Variants in ARID1B observed in about 807,000 individuals in gnomAD.
ARID1B encodes AT-rich interactive domain-containing protein 1B.
ARID1B carries 30 observed loss-of-function variants against 212.3 expected under a neutral mutation model. The observed-to-expected ratio is 0.14, with a 90% CI of 0.11 to 0.19. The LOEUF (loss-of-function observed/expected upper bound fraction) is 0.19. Ranked by LOEUF, ARID1B falls within the 10% of genes least tolerant of loss-of-function variation. The pLI, the probability that ARID1B is intolerant of heterozygous loss-of-function variation, is 1.00. For synonymous variants in ARID1B, 1,402 were observed against 1,301.7 expected, an observed-to-expected ratio of 1.08 and a Z score of -1.66; for missense variants, 2,891 against 3,204.0, an observed-to-expected ratio of 0.90 and a Z score of 2.36.
At chr6:157,113,217 G>A (rs569606703) in intron 6 of ARID1B, among the ~76,000 whole-genome samples, 21 of 152,134 alleles carry the variant, frequency 1.4e-4, no homozygotes, top group African/African-American at 4.6e-4. Context: ...CACCGCACCC[G>A]GCCATGACCA....
chr6:157,103,905 G>A (rs566750032), intron 5 of ARID1B, among the ~76,000 whole-genome samples: 3 of 144,112 alleles, frequency 2.1e-5, no homozygotes, highest in Admixed American at 7.2e-5. Flanking sequence ...ATGTGATCTC[G>A]GCTCACTGCA....
intron 16 of ARID1B, among the ~76,000 whole-genome samples, chr6:157,197,908 T>C (rs946733132): frequency 6.6e-6 from 1 of 152,266 alleles, no homozygotes; most frequent in Non-Finnish European, 1.5e-5. Flanking sequence ...GATATCAAAG[T>C]AGTTATCAAA....
At chr6:156,805,874 G>A (rs1056392789) in intron 1 of ARID1B, among the ~76,000 whole-genome samples, 6 of 151,852 alleles carry the variant, frequency 4.0e-5, no homozygotes, top group Admixed American at 6.6e-5. Context: ...ATGGAGTCTC[G>A]CTGTGTTGCC....
rs769039505 is a variant in ARID1B at position 157,206,936 on chromosome 6, G to A, written c.6164G>A (p.Cys2055Tyr). 34 of 1,614,100 alleles carry A rather than the reference G, an allele frequency of 2.1e-5. No homozygotes were observed. The highest frequency in any genetic ancestry group is 1.3e-4 in the Admixed American group (8 of 60,006). The change falls in exon 20 of 20, where the codon TGT becomes TAT. Residue 2055 changes from cysteine to tyrosine, a missense_variant. Cys to Tyr is a radical substitution (Grantham distance 194). This residue lies in a region of ARID1B where 332 missense variants were observed against 369.2 expected (regional missense o/e 0.90). Coordinates refer to ENST00000636930, the MANE Select transcript of ARID1B (RefSeq NM_001374828.1). The surrounding 1 kb of genome is among the most constrained non-coding windows in gnomAD (Gnocchi z 6.8). ...EPRSRDETPL[C>Y]TIAHWQDSLA... ...AGGAGCCGAGACGAGACTCCTCTGT[G>A]TACCATCGCGCACTGGCAGGACTCG...
chr6:156,805,256 C>T (rs1367196700), intron 1 of ARID1B, among the ~76,000 whole-genome samples: 1 of 152,142 alleles, frequency 6.6e-6, no homozygotes, highest in Non-Finnish European at 1.5e-5. Flanking sequence ...AGACACTTTG[C>T]CTCCACCTGC....
intron 2 of ARID1B, among the ~76,000 whole-genome samples, chr6:156,884,800 A>T (rs1787378035): frequency 6.6e-6 from 1 of 152,232 alleles, no homozygotes; most frequent in African/African-American, 2.4e-5. Flanking sequence ...TGTAGGTTTT[A>T]AATGATTGTG....
chr6:156,840,653 A>C (rs993184772), intron 2 of ARID1B, among the ~76,000 whole-genome samples: 5 of 152,202 alleles, frequency 3.3e-5, no homozygotes, highest in African/African-American at 1.2e-4. Context: ...CCCGGTGCCC[A>C]GGTGCTCTGA....
chr6:156,814,938 C>T (rs552868287), intron 1 of ARID1B, among the ~76,000 whole-genome samples: 73 of 152,040 alleles, frequency 4.8e-4, no homozygotes, highest in African/African-American at 1.6e-3. Context: ...TAGGTGAAGA[C>T]CCATCAATTA....
At chr6:156,932,146 G>GGCC (rs1491564183) in intron 3 of ARID1B, among the ~76,000 whole-genome samples, 1 of 73,666 alleles carries the variant, frequency 1.4e-5, no homozygotes. Context: ...AAAAAAAAAA[G>GGCC]GGGGGGGGCG....
chr6:156,859,817 G>C (rs945583171), intron 2 of ARID1B, among the ~76,000 whole-genome samples: 1 of 152,234 alleles, frequency 6.6e-6, no homozygotes, highest in Non-Finnish European at 1.5e-5. Context: ...AGTTTGGAGA[G>C]GGCACAGAAA....
At chr6:156,947,218 T>C (rs780461893) in intron 4 of ARID1B, among the ~76,000 whole-genome samples, 1 of 152,234 alleles carries the variant, frequency 6.6e-6, no homozygotes, top group Non-Finnish European at 1.5e-5. Flanking sequence ...TCTATCCAAA[T>C]AGGTTCCTTT....
intron 4 of ARID1B, among the ~76,000 whole-genome samples, chr6:156,964,815 G>A (rs953522912): frequency 7.2e-5 from 11 of 152,108 alleles, no homozygotes; most frequent in Admixed American, 1.3e-4. Flanking sequence ...GAGATATTTG[G>A]GGGAGAATCA....
At chr6:157,178,014 C>T (rs905657332) in intron 11 of ARID1B, among the ~76,000 whole-genome samples, 3 of 152,142 alleles carry the variant, frequency 2.0e-5, no homozygotes, top group East Asian at 3.8e-4. Context: ...TCTTTAATTG[C>T]GCTCTGTTCA....
intron 1 of ARID1B, among the ~76,000 whole-genome samples, chr6:156,806,794 A>G (rs2127965589): frequency 6.6e-6 from 1 of 152,344 alleles, no homozygotes; most frequent in Admixed American, 6.5e-5. Context: ...GAAGGGCCAC[A>G]TAGTAAATAA....
chr6:156,936,602 G>T (rs1371247676), intron 4 of ARID1B: 1 of 147,900 alleles, frequency 6.8e-6, no homozygotes, highest in Non-Finnish European at 1.5e-5. Context: ...GGAGGTTGCA[G>T]TGAGCCGAGA....
intron 6 of ARID1B, among the ~76,000 whole-genome samples, chr6:157,114,154 A>G (rs1009034157): frequency 2.0e-5 from 3 of 152,230 alleles, no homozygotes; most frequent in African/African-American, 7.2e-5. Flanking sequence ...CGGTTGATAT[A>G]TACCTACCTT....
At chr6:156,871,686 A>G in intron 2 of ARID1B, 1 of 1,605,936 alleles carries the variant, frequency 6.2e-7, no homozygotes, top group Non-Finnish European at 8.5e-7. Flanking sequence ...TACTTGCTCC[A>G]AGTCTTTGGG....
chr6:156,953,390 C>T lies in ARID1B; in HGVS notation c.2247+17814C>T, dbSNP rs112339576. On this transcript the variant is annotated intron_variant, in intron 4 of 19. Coordinates refer to ENST00000636930, the MANE Select transcript of ARID1B (RefSeq NM_001374828.1). ...TTGCAAGTCCCTTGGAACATTCATG[C>T]AGGTCTGCAGTCACTCTTAATTTGA... Among the ~76,000 whole-genome samples the T allele has an allele frequency of 2.2e-3, 335 of 152,324 alleles. 1 individual carries two copies. The highest frequency in any genetic ancestry group is 7.7e-3 in the African/African-American group (321 of 41,566).
At chr6:156,825,567 CTGT>C (rs1453383559) in intron 1 of ARID1B, among the ~76,000 whole-genome samples, 3 of 152,226 alleles carry the variant, frequency 2.0e-5, no homozygotes, top group African/African-American at 4.8e-5. Flanking sequence ...ATTTGCTGCA[CTGT>C]TATCTATAGC....
Sources: gnomAD v4.1 joint callset for allele counts (sites outside exome capture counted in the v4.1 genomes callset) on GRCh38, gnomAD v4.1.1 for gene constraint, gnomAD v4.1.1 regional missense constraint, Gnocchi (gnomAD v3.1) non-coding constraint, MANE v1.5 for transcripts, NCBI Gene and HGNC (gene_info 2026-07-23, HGNC 2026-07-21) for gene names.